The following CACNG3 variants were observed in gnomAD, a reference collection of about 807,000 sequenced individuals.
CACNG3 encodes the protein calcium voltage-gated channel auxiliary subunit gamma 3.
A neutral mutation model predicts 28.5 loss-of-function variants in CACNG3; 3 were observed. The ratio of observed to expected loss-of-function variants is 0.11; its 90% CI spans 0.05 to 0.27. The LOEUF (loss-of-function observed/expected upper bound fraction) is 0.27, where lower values mean the gene tolerates loss of function less well. CACNG3 is among the 10% of genes least tolerant of loss of function. The pLI, the probability that CACNG3 is intolerant of heterozygous loss-of-function variation, is 1.00. For missense variants in CACNG3, 236 were observed against 414.4 expected, an observed-to-expected ratio of 0.57 and a Z score of 3.74; for synonymous variants, 174 against 162.2, an observed-to-expected ratio of 1.07 and a Z score of -0.55.
At chr16:24,351,038 C>A (rs1472419405) in intron 2 of CACNG3, among the ~76,000 whole-genome samples, 1 of 152,168 alleles carries the variant, frequency 6.6e-6, no homozygotes, top group Admixed American at 6.5e-5. Context: ...AACCAGGGGC[C>A]AGCTCTGTCT....
In CACNG3 at chr16:24,257,109, C is replaced by T; in HGVS notation, c.211+144C>T. On this transcript the variant is annotated intron_variant, in intron 1 of 3. Coordinates refer to ENST00000005284, the MANE Select transcript of CACNG3 (RefSeq NM_006539.4). ...TGTGCAGGTGCCCAGACTCTGTTAA[C>T]AGCAAGACTGACGCCATGTGGGTTA... The T allele has an allele frequency of 6.3e-6, 4 of 634,678 alleles. No individual in the cohort carries two copies. In the Admixed American group the frequency reaches 7.7e-5, roughly 12 times the overall value. The allele number at this position is 634,678 out of a possible 1,614,324, so 39.3% of individuals were successfully genotyped here. A position where few individuals can be genotyped will look rare whatever the true frequency, so the allele number is the denominator to read the frequency against.
chr16:24,309,788 G>A (rs1899236030), intron 1 of CACNG3, among the ~76,000 whole-genome samples: 1 of 152,188 alleles, frequency 6.6e-6, no homozygotes, highest in Admixed American at 6.5e-5. Flanking sequence ...CAGAGGAGGA[G>A]ATGTATTCCA....
chr16:24,331,014 TTC>T (rs1378129678), intron 1 of CACNG3, among the ~76,000 whole-genome samples: 1 of 152,152 alleles, frequency 6.6e-6, no homozygotes, highest in Admixed American at 6.6e-5. Flanking sequence ...ATAGTTGTCA[TTC>T]TCTCTGTCTC....
intron 1 of CACNG3, among the ~76,000 whole-genome samples, chr16:24,329,584 G>A (rs922167721): frequency 6.6e-6 from 1 of 152,188 alleles, no homozygotes; most frequent in African/African-American, 2.4e-5. Flanking sequence ...CAGGAGTTGA[G>A]ACGTCACTCT....
chr16:24,322,395 C>T (rs1899475636), intron 1 of CACNG3, among the ~76,000 whole-genome samples: 1 of 152,174 alleles, frequency 6.6e-6, no homozygotes, highest in African/African-American at 2.4e-5. Context: ...AAGCTGGATG[C>T]TTCACAGCCA....
At chr16:24,281,673 G>C (rs1330042439) in intron 1 of CACNG3, among the ~76,000 whole-genome samples, 1 of 152,116 alleles carries the variant, frequency 6.6e-6, no homozygotes, top group Admixed American at 6.5e-5. Flanking sequence ...TGAGTCACGT[G>C]ATTCAATCTT....
At chr16:24,346,175 A>G (rs1473725484) in intron 1 of CACNG3, among the ~76,000 whole-genome samples, 1 of 152,174 alleles carries the variant, frequency 6.6e-6, no homozygotes, top group Non-Finnish European at 1.5e-5. Context: ...TCTGAAGTGG[A>G]TCCCAACATC....
intron 1 of CACNG3, among the ~76,000 whole-genome samples, chr16:24,329,593 CTT>C (rs1485323827): frequency 2.0e-5 from 3 of 152,180 alleles, no homozygotes; most frequent in Non-Finnish European, 4.4e-5. Flanking sequence ...AGACGTCACT[CTT>C]TGTTTTTTTT....
At chr16:24,273,313 C>T (rs1043096630) in intron 1 of CACNG3, among the ~76,000 whole-genome samples, 3 of 152,154 alleles carry the variant, frequency 2.0e-5, no homozygotes, top group African/African-American at 7.2e-5. Flanking sequence ...CTATTGACTT[C>T]CTGCCATGAT....
chr16:24,314,850 G>A (rs1229060671), intron 1 of CACNG3, among the ~76,000 whole-genome samples: 4 of 151,128 alleles, frequency 2.6e-5, no homozygotes, highest in African/African-American at 9.7e-5. Context: ...GTGACAGGAG[G>A]ATGGAAAATA....
intron 1 of CACNG3, among the ~76,000 whole-genome samples, chr16:24,326,541 G>T (rs989616310): frequency 6.6e-6 from 1 of 152,170 alleles, no homozygotes; most frequent in African/African-American, 2.4e-5. Flanking sequence ...TTGGTCACTT[G>T]CCCTCCCCTG....
At chr16:24,284,874 G>T (rs1898872715) in intron 1 of CACNG3, among the ~76,000 whole-genome samples, 1 of 142,546 alleles carries the variant, frequency 7.0e-6, no homozygotes, top group African/African-American at 2.6e-5. Context: ...TTGCCATTTT[G>T]GTTCTCAGCA....
In CACNG3 at chr16:24,303,940, A is replaced by C. The variant is rs183279235; in HGVS notation, c.212-42794A>C. ...AATGAACAAAAGAATTAGGTGGTGC[A>C]CACATGTGGTCCCAGCCTACACCAT... On this transcript the variant is annotated intron_variant, in intron 1 of 3. Coordinates refer to ENST00000005284, the MANE Select transcript of CACNG3 (RefSeq NM_006539.4). Among the ~76,000 whole-genome samples the C allele has an allele frequency of 2.4e-4, 37 of 152,268 alleles. No individual in the cohort carries two copies. In the East Asian group the frequency reaches 6.6e-3, roughly 27 times the overall value.
intron 1 of CACNG3, among the ~76,000 whole-genome samples, chr16:24,279,172 A>ATT (rs1259639471): frequency 2.6e-5 from 4 of 152,230 alleles, no homozygotes; most frequent in Non-Finnish European, 5.9e-5. Flanking sequence ...TCTAGGGGAA[A>ATT]CAGAAATTCT....
intron 1 of CACNG3, among the ~76,000 whole-genome samples, chr16:24,302,849 G>A (rs886943769): frequency 2.4e-4 from 36 of 151,982 alleles, no homozygotes; most frequent in African/African-American, 8.0e-4. Flanking sequence ...CAGTAGATGC[G>A]GAGTTTCACC....
intron 1 of CACNG3, among the ~76,000 whole-genome samples, chr16:24,314,691 G>A (rs1899322594): frequency 2.0e-5 from 3 of 151,506 alleles, no homozygotes; most frequent in South Asian, 4.2e-4. Context: ...CAGACATGTG[G>A]CAGCTACATT....
At chr16:24,269,746 C>CAAAAAAAAAAAAAAAAAAAAAGGAAA (rs1898660718) in intron 1 of CACNG3, among the ~76,000 whole-genome samples, 1 of 71,082 alleles carries the variant, frequency 1.4e-5, no homozygotes, top group African/African-American at 4.8e-5. Context: ...GACTCCATCT[C>CAAAAAAAAAAAAAAAAAAAAAGGAAA]AAAAAAAAAA....
At chr16:24,318,160 C>T (rs777806752) in intron 1 of CACNG3, among the ~76,000 whole-genome samples, 13 of 152,100 alleles carry the variant, frequency 8.5e-5, no homozygotes, top group African/African-American at 2.2e-4. Context: ...GTGCTTAACA[C>T]GTAGGAGGCA....
intron 1 of CACNG3, among the ~76,000 whole-genome samples, chr16:24,289,304 GA>G (rs796624837): frequency 0.023 from 2,538 of 111,934 alleles, 41 homozygotes; most frequent in African/African-American, 0.053. Flanking sequence ...ATCTGCAAAA[GA>G]AAAAAAAAAA....
Sources: allele counts gnomAD v4.1 joint callset (sites outside exome capture counted in the v4.1 genomes callset), GRCh38; gene constraint gnomAD v4.1.1; transcripts MANE v1.5; gene names NCBI Gene and HGNC (gene_info 2026-07-23, HGNC 2026-07-21).